Variants in C2orf49 observed in about 807,000 individuals in gnomAD.
C2orf49 encodes the protein tRNA splicing ligase complex subunit 2.
In C2orf49, 11 loss-of-function variants were observed where a neutral mutation model predicts 20.6. The observed-to-expected ratio is 0.53, with a 90% CI of 0.34 to 0.88. C2orf49 has a LOEUF of 0.88. Ranked by LOEUF, C2orf49 falls within the 40% of genes least tolerant of loss-of-function variation. The pLI, the probability that C2orf49 is intolerant of heterozygous loss-of-function variation, is 0.02. For missense variants in C2orf49, 289 were observed against 274.2 expected, an observed-to-expected ratio of 1.05 and a Z score of -0.38; for synonymous variants, 134 against 108.5, an observed-to-expected ratio of 1.24 and a Z score of -1.46.
the C2orf49 span, chr2:105,374,008 AT>A: frequency 2.1e-6 from 1 of 474,580 alleles, no homozygotes; most frequent in Middle Eastern, 5.9e-4. Context: ...AAACAAAGGG[AT>A]TTCCCTTATG....
the C2orf49 span, among the ~76,000 whole-genome samples, chr2:105,384,565 T>C: frequency 6.6e-6 from 1 of 152,134 alleles, no homozygotes; most frequent in East Asian, 1.9e-4. Flanking sequence ...TGGAGTGCAG[T>C]GGCATGATCT....
the C2orf49 span, chr2:105,363,548 C>A: frequency 7.5e-7 from 1 of 1,341,342 alleles, no homozygotes; most frequent in Middle Eastern, 2.4e-4. Flanking sequence ...TGCCACTGGA[C>A]GATGCAAGAT....
the C2orf49 span, among the ~76,000 whole-genome samples, chr2:105,355,027 C>T: frequency 6.6e-6 from 1 of 152,146 alleles, no homozygotes; most frequent in Non-Finnish European, 1.5e-5. Context: ...GTTTGATGCT[C>T]TGTTGAAACT....
chr2:105,353,280 A>T (rs926465659), downstream of C2orf49, among the ~76,000 whole-genome samples: 13 of 152,206 alleles, frequency 8.5e-5, no homozygotes, highest in African/African-American at 3.1e-4. Context: ...AGTTTTCAAC[A>T]CATGAACTTT....
At chr2:105,353,254 G>C (rs575723653), downstream of C2orf49, among the ~76,000 whole-genome samples, 1 of 152,184 alleles carries the variant, frequency 6.6e-6, no homozygotes, top group African/African-American at 2.4e-5. Flanking sequence ...TCTTAATACT[G>C]TTCCTATGGC....
the C2orf49 span, among the ~76,000 whole-genome samples, chr2:105,380,563 C>T: frequency 1.3e-5 from 2 of 152,150 alleles, no homozygotes; most frequent in Admixed American, 6.5e-5. Context: ...AGCTCCAAAC[C>T]GATTTTTAGT....
the C2orf49 span, among the ~76,000 whole-genome samples, chr2:105,366,051 C>CAA: frequency 2.7e-5 from 4 of 149,840 alleles, no homozygotes; most frequent in African/African-American, 9.8e-5. Context: ...ACTAAAAATA[C>CAA]AAAAAAAACC....
In C2orf49 at chr2:105,348,869, A is replaced by G. The variant is rs1573251548; in HGVS notation, c.*3498A>G. 1 of 152,142 alleles carries G rather than the reference A, an allele frequency of 6.6e-6. No homozygotes were observed. Among genetic ancestry groups the G allele is most frequent in the Non-Finnish European group, 1.5e-5 (1 of 68,030 alleles). The allele number at this position is 152,142 out of a possible 1,614,324, so 9.4% of individuals were successfully genotyped here. ...TTTGGAAAGTATTCTTTATAGTACAACTTTCTATACCTGGATTGATTAAGA... is the reference window on the plus strand; with the variant it reads ...TTTGGAAAGTATTCTTTATAGTACAGCTTTCTATACCTGGATTGATTAAGA... On this transcript the variant is annotated 3_prime_UTR_variant, in exon 4 of 4. Transcript: ENST00000258457.
the C2orf49 span, among the ~76,000 whole-genome samples, chr2:105,377,261 C>T: frequency 6.6e-6 from 1 of 152,202 alleles, no homozygotes; most frequent in African/African-American, 2.4e-5. Flanking sequence ...GCACTTACTA[C>T]TGAACAGTAC....
the C2orf49 span, among the ~76,000 whole-genome samples, chr2:105,366,719 C>T: frequency 6.6e-6 from 1 of 152,154 alleles, no homozygotes; most frequent in Non-Finnish European, 1.5e-5. Context: ...TGGAATAGCA[C>T]ATTATCGAGT....
chr2:105,345,161 C>T (rs1411974453), intron 3 of C2orf49, among the ~76,000 whole-genome samples, 154 bp from the exon 4 acceptor site: 1 of 152,088 alleles, frequency 6.6e-6, no homozygotes, highest in Non-Finnish European at 1.5e-5. Flanking sequence ...AGCTAGAGAA[C>T]TCACCCCTGT....
At chr2:105,370,576 G>C in the C2orf49 span, among the ~76,000 whole-genome samples, 1 of 152,110 alleles carries the variant, frequency 6.6e-6, no homozygotes, top group African/African-American at 2.4e-5. Context: ...TGACTTGTGT[G>C]GGGGGTGTGG....
chr2:105,373,545 G>T, the C2orf49 span: 1 of 1,614,100 alleles, frequency 6.2e-7, no homozygotes, highest in Non-Finnish European at 8.5e-7. Context: ...CATGAGAAAG[G>T]AGTGCCTCCT....
At chr2:105,355,004 A>G in the C2orf49 span, among the ~76,000 whole-genome samples, 6 of 152,230 alleles carry the variant, frequency 3.9e-5, no homozygotes, top group African/African-American at 1.4e-4. Flanking sequence ...AACCCAGAGA[A>G]GCAGGCAATC....
chr2:105,342,776 T>C lies in C2orf49; in HGVS notation c.267-72T>C. The C allele has an allele frequency of 3.4e-6, 5 of 1,482,270 alleles. No homozygotes were observed. The South Asian group carries it at 5.6e-5, about 17-fold the overall frequency. The allele number at this position is 1,482,270 out of a possible 1,614,324, so 91.8% of individuals were successfully genotyped here. On this transcript the variant is annotated intron_variant, in intron 2 of 3. Transcript: ENST00000258457. ...AAATCTTTTTGTTTACTGCTTATTT[T>C]AACTTGAATCCCAGTGAACTGGTTT...
the C2orf49 span, among the ~76,000 whole-genome samples, chr2:105,366,066 G>C: frequency 4.6e-5 from 7 of 151,350 alleles, no homozygotes; most frequent in Non-Finnish European, 2.9e-5. Flanking sequence ...AAAACCGGCT[G>C]GGCATGGTGA....
intron 1 of C2orf49, 99 bp from the exon 2 acceptor site, chr2:105,339,484 T>C: frequency 1.7e-6 from 2 of 1,167,344 alleles, no homozygotes; most frequent in Non-Finnish European, 2.4e-6. Flanking sequence ...TTTTATAATT[T>C]GTTATTTAAG....
At chr2:105,361,389 T>C in the C2orf49 span, 2 of 1,614,156 alleles carry the variant, frequency 1.2e-6, no homozygotes, top group South Asian at 1.1e-5. Flanking sequence ...GCAGTCGTTA[T>C]GCCACTGCCG....
the C2orf49 span, chr2:105,367,467 A>T: frequency 8.3e-7 from 1 of 1,209,256 alleles, no homozygotes; most frequent in Non-Finnish European, 1.2e-6. Context: ...CACGCCACTT[A>T]AGTATCACAG....
Sources: gnomAD v4.1 joint callset for allele counts (sites outside exome capture counted in the v4.1 genomes callset) on GRCh38, gnomAD v4.1.1 for gene constraint, MANE v1.5 for transcripts, NCBI Gene and HGNC (gene_info 2026-07-23, HGNC 2026-07-21) for gene names.